The following TFB1M variants were observed in gnomAD, a reference collection of about 807,000 sequenced individuals.
TFB1M encodes dimethyladenosine transferase 1, mitochondrial.
Under a neutral mutation model 31.1 loss-of-function variants are expected in TFB1M, and 27 were observed. The ratio of observed to expected loss-of-function variants is 0.87; its 90% CI spans 0.64 to 1.20. The LOEUF (loss-of-function observed/expected upper bound fraction) is 1.20. TFB1M is among the 50% of genes most tolerant of loss of function. The pLI is 0.00. For synonymous variants in TFB1M, 166 were observed against 151.8 expected (o/e 1.09, Z -0.69); for missense variants, 394 against 418.7 (o/e 0.94, Z 0.51).
chr6:155,312,391 TCTTAA>T lies in TFB1M; in HGVS notation c.134-1057_134-1053del, dbSNP rs140185593. 5.3e-4 allele frequency among the ~76,000 whole-genome samples: 81 copies of T among 152,336 alleles called. No homozygotes were observed. In the East Asian group the frequency reaches 0.014, roughly 27 times the overall value. ...AGGACTCCTATCCCAATTTCATTTC[TCTTAA>T]CTTTTCAGTTTCCTTGTCTATTGTT... On this transcript the variant is annotated intron_variant, in intron 1 of 6. Coordinates refer to ENST00000367166, the MANE Select transcript of TFB1M (RefSeq NM_016020.4).
At chr6:155,295,595 C>T (rs1265374988) in intron 4 of TFB1M, among the ~76,000 whole-genome samples, 1 of 151,972 alleles carries the variant, frequency 6.6e-6, no homozygotes. Context: ...TTAAGTCATC[C>T]ATGTACATGG....
the TFB1M span, among the ~76,000 whole-genome samples, chr6:155,233,081 C>T: frequency 6.6e-6 from 1 of 152,202 alleles, no homozygotes; most frequent in South Asian, 2.1e-4. Context: ...GAAAGGCGGG[C>T]ACGTAGCTCA....
rs916184461 is a variant in TFB1M, at chr6:155,271,236, G to A, written c.667-10836C>T. ...TCTGTATAATGGCTATGAATTTATA[G>A]CTTGTAGAATAAAACTTACTGAGGA... On this transcript the variant is annotated intron_variant, in intron 5 of 6. Transcript: ENST00000367166. Among the ~76,000 whole-genome samples the A allele has an allele frequency of 5.9e-5, 9 of 152,188 alleles. No individual in the cohort carries two copies. In the South Asian group the frequency reaches 1.7e-3, roughly 28 times the overall value.
At position 155,256,857 on chromosome 6, in the gene TFB1M, G is replaced by A; in HGVS notation, c.*979C>T. On this transcript the variant is annotated 3_prime_UTR_variant, in exon 7 of 7. Transcript: ENST00000367166. ...AGGCTGAGCAGCAGCCTGGCCCGGA[G>A]TCGGGTGAGGGTCAGAAAGGAGGAG... is the stretch of plus-strand genomic sequence containing the variant. The A allele has an allele frequency of 6.2e-7, 1 of 1,614,212 alleles. No individual in the cohort carries two copies. Among genetic ancestry groups the A allele is most frequent in the South Asian group, 1.1e-5 (1 of 91,086 alleles).
At chr6:155,235,910 A>G in the TFB1M span, among the ~76,000 whole-genome samples, 1 of 152,214 alleles carries the variant, frequency 6.6e-6, no homozygotes, top group Non-Finnish European at 1.5e-5. Flanking sequence ...CATCCCAGTG[A>G]AGCAAAGCCA....
intron 2 of TFB1M, among the ~76,000 whole-genome samples, chr6:155,306,836 G>T (rs964753466): frequency 6.6e-6 from 1 of 152,124 alleles, no homozygotes; most frequent in African/African-American, 2.4e-5. Flanking sequence ...TCAAAACTCA[G>T]TTAACTGGAC....
the TFB1M span, among the ~76,000 whole-genome samples, chr6:155,234,199 C>A: frequency 6.6e-6 from 1 of 152,170 alleles, no homozygotes; most frequent in African/African-American, 2.4e-5. Context: ...CTGAGGCCCC[C>A]ATTTCAAGTG....
intron 2 of TFB1M, among the ~76,000 whole-genome samples, chr6:155,301,456 G>A (rs528450331): frequency 1.3e-5 from 2 of 152,268 alleles, no homozygotes; most frequent in African/African-American, 4.8e-5. Flanking sequence ...TGATACATGG[G>A]GTATGGTGGA....
At chr6:155,309,341 CA>C (rs1777919067) in intron 2 of TFB1M, among the ~76,000 whole-genome samples, 2 of 152,176 alleles carry the variant, frequency 1.3e-5, no homozygotes, top group Admixed American at 1.3e-4. Context: ...AACAGACACA[CA>C]TTTCTACCCT....
intron 2 of TFB1M, among the ~76,000 whole-genome samples, chr6:155,304,851 T>C (rs958947419): frequency 5.3e-5 from 8 of 151,716 alleles, no homozygotes; most frequent in Non-Finnish European, 1.2e-4. Flanking sequence ...TACAGGTGGC[T>C]GTTGGTGAAA....
chr6:155,285,922 A>G (rs1358872933), intron 4 of TFB1M, among the ~76,000 whole-genome samples: 1 of 152,154 alleles, frequency 6.6e-6, no homozygotes, highest in Non-Finnish European at 1.5e-5. Context: ...ATTAATTTCC[A>G]TATGTATTAT....
chr6:155,292,971 G>C (rs1033570959), intron 4 of TFB1M, among the ~76,000 whole-genome samples: 5 of 152,078 alleles, frequency 3.3e-5, no homozygotes, highest in Admixed American at 6.5e-5. Context: ...CGAGACCACA[G>C]GCATGCAGCA....
At chr6:155,300,891 GCTC>G (rs890841565) in intron 2 of TFB1M, among the ~76,000 whole-genome samples, 5 of 152,144 alleles carry the variant, frequency 3.3e-5, no homozygotes, top group South Asian at 4.2e-4. Flanking sequence ...TGCAACCTCT[GCTC>G]CTGGGATTCA....
At chr6:155,245,827 C>T in the TFB1M span, 2 of 826,016 alleles carry the variant, frequency 2.4e-6, no homozygotes, top group Non-Finnish European at 3.7e-6. Context: ...AGAGTAAGTA[C>T]AATTTTGATG....
the TFB1M span, chr6:155,240,636 G>A: frequency 1.4e-5 from 22 of 1,613,862 alleles, no homozygotes; most frequent in Admixed American, 1.0e-4. Flanking sequence ...TCTCTGGCCC[G>A]CCACCTGTCT....
intron 2 of TFB1M, among the ~76,000 whole-genome samples, chr6:155,309,438 G>A (rs932616432): frequency 1.3e-5 from 2 of 152,110 alleles, no homozygotes; most frequent in African/African-American, 2.4e-5. Context: ...ATGATAAATC[G>A]AATGAGATAA....
At chr6:155,296,931 G>C in intron 4 of TFB1M, 22 bp downstream of exon 4, 1 of 1,606,622 alleles carries the variant, frequency 6.2e-7, no homozygotes, top group Non-Finnish European at 8.5e-7. Flanking sequence ...TGATAAAATA[G>C]TCACAAAATG....
intron 5 of TFB1M, chr6:155,260,620 T>TATTA (rs1784352666): frequency 8.1e-6 from 5 of 619,434 alleles, no homozygotes; most frequent in Non-Finnish European, 1.5e-5. Flanking sequence ...TGTTCTCTAA[T>TATTA]GACATCCACC....
chr6:155,237,406 C>T, the TFB1M span, among the ~76,000 whole-genome samples: 1 of 152,214 alleles, frequency 6.6e-6, no homozygotes, highest in African/African-American at 2.4e-5. Context: ...GCACAGGGTG[C>T]AAGATGTCAG....
Sources: allele counts gnomAD v4.1 joint callset (sites outside exome capture counted in the v4.1 genomes callset), GRCh38; gene constraint gnomAD v4.1.1; transcripts MANE v1.5; gene names NCBI Gene and HGNC (gene_info 2026-07-23, HGNC 2026-07-21).